The following LINGO2 variants were observed in gnomAD, a reference collection of about 807,000 sequenced individuals.
The protein encoded by LINGO2 is leucine-rich repeat and immunoglobulin-like domain-containing nogo receptor-interacting protein 2.
In LINGO2, 14 loss-of-function variants were observed where a neutral mutation model predicts 30.6. That is an observed-to-expected ratio of 0.46 (90% CI 0.30 to 0.72). The LOEUF (loss-of-function observed/expected upper bound fraction) is 0.72. LINGO2 is among the 30% of genes least tolerant of loss of function. The probability of loss-of-function intolerance (pLI) is 0.07; values close to 1 mark genes in which losing one functional copy is unlikely to be tolerated. For missense variants in LINGO2, 729 were observed against 751.7 expected (o/e 0.97, Z 0.35); for synonymous variants, 317 against 288.5 (o/e 1.10, Z -1.00).
the LINGO2 span, among the ~76,000 whole-genome samples, chr9:28,737,748 AT>A: frequency 3.0e-4 from 45 of 151,460 alleles, no homozygotes; most frequent in East Asian, 7.8e-3. Flanking sequence ...GACAAAAATT[AT>A]TTTTTTTTCT....
chr9:28,954,232 T>G, the LINGO2 span, among the ~76,000 whole-genome samples: 1 of 152,156 alleles, frequency 6.6e-6, no homozygotes, highest in African/African-American at 2.4e-5. Context: ...AGTTTGACTA[T>G]TAGTTACACT....
At chr9:28,211,024 T>A (rs1012507093) in intron 4 of LINGO2, among the ~76,000 whole-genome samples, 4 of 151,530 alleles carry the variant, frequency 2.6e-5, no homozygotes, top group Non-Finnish European at 1.5e-5. Context: ...ACTTTTCATG[T>A]AAGTTGATTG....
chr9:28,254,054 T>C (rs1822300115), intron 4 of LINGO2, among the ~76,000 whole-genome samples: 1 of 152,092 alleles, frequency 6.6e-6, no homozygotes, highest in Admixed American at 6.6e-5. Context: ...TCAAGGTGTC[T>C]GTGAGCCTAA....
At chr9:28,481,394 A>C (rs1361786702) in intron 1 of LINGO2, among the ~76,000 whole-genome samples, 1 of 152,058 alleles carries the variant, frequency 6.6e-6, no homozygotes, top group Non-Finnish European at 1.5e-5. Context: ...ACCAAAATTT[A>C]TTTGTCCTCT....
intron 3 of LINGO2, among the ~76,000 whole-genome samples, chr9:28,365,380 C>A (rs982131500): frequency 1.3e-5 from 2 of 152,090 alleles, no homozygotes; most frequent in Admixed American, 6.6e-5. Context: ...TATTGGGTAA[C>A]CAATAGAAAT....
At chr9:28,964,961 G>A in the LINGO2 span, among the ~76,000 whole-genome samples, 1 of 151,786 alleles carries the variant, frequency 6.6e-6, no homozygotes, top group East Asian at 1.9e-4. Context: ...CTCAACTCAT[G>A]AGCTACCAGT....
intron 3 of LINGO2, among the ~76,000 whole-genome samples, chr9:28,348,830 G>C (rs532879692): frequency 0.1 from 15,505 of 151,922 alleles, 1,086 homozygotes; most frequent in Admixed American, 0.16. Flanking sequence ...TCCTCAAGTG[G>C]GTCCCTGACC....
intron 1 of LINGO2, among the ~76,000 whole-genome samples, chr9:28,550,645 A>G (rs971970760): frequency 6.6e-6 from 1 of 151,800 alleles, no homozygotes; most frequent in African/African-American, 2.4e-5. Flanking sequence ...TGCTGCTGCA[A>G]TTGAACTTAT....
chr9:28,736,957 T>A, the LINGO2 span, among the ~76,000 whole-genome samples: 1 of 152,118 alleles, frequency 6.6e-6, no homozygotes, highest in Admixed American at 6.6e-5. Context: ...TATAAAACAT[T>A]CCCCAAGGGG....
At chr9:29,152,249 T>A in the LINGO2 span, among the ~76,000 whole-genome samples, 17 of 152,282 alleles carry the variant, frequency 1.1e-4, no homozygotes, top group African/African-American at 3.8e-4. Flanking sequence ...GAAAGCCATT[T>A]AGCAACTTTT....
chr9:29,194,170 T>C, the LINGO2 span, among the ~76,000 whole-genome samples: 2 of 152,164 alleles, frequency 1.3e-5, no homozygotes, highest in Non-Finnish European at 2.9e-5. Flanking sequence ...CCATGATTTT[T>C]ACATACAGTA....
intron 4 of LINGO2, among the ~76,000 whole-genome samples, chr9:28,108,988 A>T (rs1826685629): frequency 6.6e-6 from 1 of 152,164 alleles, no homozygotes; most frequent in Non-Finnish European, 1.5e-5. Flanking sequence ...TCAATGAGAA[A>T]ATCCTCAAGA....
intron 1 of LINGO2, among the ~76,000 whole-genome samples, chr9:28,490,863 T>C (rs1177796294): frequency 6.6e-6 from 1 of 152,188 alleles, no homozygotes; most frequent in East Asian, 1.9e-4. Context: ...AAGAAAACTA[T>C]TCTACAGCTA....
the LINGO2 span, among the ~76,000 whole-genome samples, chr9:28,788,437 T>C: frequency 6.6e-6 from 1 of 152,246 alleles, no homozygotes; most frequent in Admixed American, 6.5e-5. Context: ...ATTTGTGTTT[T>C]CTGCATTATC....
chr9:28,505,970 T>C (rs1026915824), intron 1 of LINGO2, among the ~76,000 whole-genome samples: 2 of 151,880 alleles, frequency 1.3e-5, no homozygotes, highest in Non-Finnish European at 1.5e-5. Flanking sequence ...GTTTTTGTCA[T>C]TGTTCTATTA....
the LINGO2 span, among the ~76,000 whole-genome samples, chr9:28,944,603 A>G: frequency 6.6e-6 from 1 of 151,758 alleles, no homozygotes; most frequent in Non-Finnish European, 1.5e-5. Flanking sequence ...ACAGGGTTTC[A>G]CCATGTTGGC....
intron 4 of LINGO2, among the ~76,000 whole-genome samples, chr9:28,163,671 T>A (rs1344955023): frequency 6.6e-6 from 1 of 152,132 alleles, no homozygotes; most frequent in East Asian, 1.9e-4. Context: ...GGTCAAAGAC[T>A]CACCAACCAA....
chr9:28,404,700 T>C (rs1411264912), intron 2 of LINGO2, among the ~76,000 whole-genome samples: 4 of 152,202 alleles, frequency 2.6e-5, no homozygotes, highest in African/African-American at 9.6e-5. Flanking sequence ...CTTGCATCAC[T>C]TGGGCACCTG....
At chr9:28,197,266 T>A (rs1380048952) in intron 4 of LINGO2, among the ~76,000 whole-genome samples, 7 of 152,026 alleles carry the variant, frequency 4.6e-5, no homozygotes, top group African/African-American at 1.4e-4. Flanking sequence ...GAAAAATATA[T>A]GCAAGGATTC....
Sources: allele counts gnomAD v4.1 joint callset (sites outside exome capture counted in the v4.1 genomes callset), GRCh38; gene constraint gnomAD v4.1.1; transcripts MANE v1.5; gene names NCBI Gene and HGNC (gene_info 2026-07-23, HGNC 2026-07-21).